Variants in PTPN4 observed in about 807,000 individuals in gnomAD.
PTPN4 encodes tyrosine-protein phosphatase non-receptor type 4.
PTPN4 carries 49 observed loss-of-function variants against 135.5 expected under a neutral mutation model. That is an observed-to-expected ratio of 0.36 (90% CI 0.29 to 0.46). PTPN4 has a LOEUF of 0.46. PTPN4 is among the 20% of genes least tolerant of loss of function. The pLI is 1.00. For synonymous variants in PTPN4, 333 were observed against 369.9 expected (o/e 0.90, Z 1.14); for missense variants, 860 against 1,101.0 (o/e 0.78, Z 3.10).
chr2:119,795,030 A>C (rs1403402014), intron 1 of PTPN4, among the ~76,000 whole-genome samples: 2 of 151,950 alleles, frequency 1.3e-5, no homozygotes, highest in Non-Finnish European at 2.9e-5. Flanking sequence ...CGGAGAGGGT[A>C]GTTCTTCTTG....
chr2:119,829,073 T>C (rs755500445), intron 2 of PTPN4, among the ~76,000 whole-genome samples: 2 of 152,218 alleles, frequency 1.3e-5, no homozygotes, highest in Non-Finnish European at 2.9e-5. Context: ...ATATATTTGT[T>C]GACCATTTAG....
rs779244973 is a variant in PTPN4, at chr2:119,965,567, C to T, written c.2480C>T (p.Ser827Leu). 3.7e-6 allele frequency: 6 copies of T among 1,613,644 alleles called. No individual in the cohort carries two copies. The Admixed American group carries it at 8.3e-5, about 22-fold the overall frequency. ...CCTGACCATGGAGTCCCTGATGATT[C>T]GAGTGACTTTCTAGATTTTGTTTGT... is the stretch of plus-strand genomic sequence containing the variant. ...AWPDHGVPDD[S>L]SDFLDFVCHV... The change falls in exon 25 of 27, where the codon TCG (serine) becomes TTG (leucine). Residue 827 changes from serine to leucine, a missense_variant. Around this residue, in one of 2 missense-constraint regions of PTPN4, gnomAD observed 176 missense variants for 294.1 expected, o/e 0.60. Transcript: ENST00000263708.
chr2:119,865,418 T>G (rs1011627885), intron 3 of PTPN4, among the ~76,000 whole-genome samples: 2 of 152,092 alleles, frequency 1.3e-5, no homozygotes, highest in Non-Finnish European at 2.9e-5. Flanking sequence ...TAAAATCATT[T>G]TAAAGATGAA....
intron 19 of PTPN4, 59 bp from the exon 20 acceptor site, chr2:119,955,098 A>G (rs969292746): frequency 9.2e-6 from 13 of 1,420,438 alleles, no homozygotes; most frequent in East Asian, 2.3e-5. Flanking sequence ...GTAAATTCCT[A>G]TCGTGTGAAT....
At chr2:119,776,365 C>T (rs755783639) in intron 1 of PTPN4, among the ~76,000 whole-genome samples, 1 of 152,014 alleles carries the variant, frequency 6.6e-6, no homozygotes, top group Non-Finnish European at 1.5e-5. Flanking sequence ...TTAGTAGAGA[C>T]GGGTTTCACC....
rs139175842 is a variant in PTPN4 at position 119,833,221 on chromosome 2, C to T, written c.138+23230C>T. Among the ~76,000 whole-genome samples, 47 of 151,834 alleles carry T rather than the reference C, an allele frequency of 3.1e-4. No homozygotes were observed. In the South Asian group the frequency reaches 5.6e-3, roughly 18 times the overall value. On this transcript the variant is annotated intron_variant, in intron 2 of 26. Transcript: ENST00000263708. ...CAGTTTGGATTTTGATTGTTTTATTCTTTCCATGTGGCTATCTAGTTGGCT... is the reference window on the plus strand; with the variant it reads ...CAGTTTGGATTTTGATTGTTTTATTTTTTCCATGTGGCTATCTAGTTGGCT...
intron 26 of PTPN4, among the ~76,000 whole-genome samples, chr2:119,973,838 C>T (rs560509279): frequency 2.0e-4 from 30 of 151,928 alleles, no homozygotes; most frequent in African/African-American, 6.3e-4. Context: ...TTTCTTCAAA[C>T]GCACATAATG....
At chr2:119,922,009 A>G (rs1558764888) in intron 12 of PTPN4, among the ~76,000 whole-genome samples, 1 of 152,172 alleles carries the variant, frequency 6.6e-6, no homozygotes, top group South Asian at 2.1e-4. Context: ...CCAGTCTTCA[A>G]CTATAATTCA....
chr2:119,960,397 T>C (rs1679349616), intron 22 of PTPN4, among the ~76,000 whole-genome samples: 1 of 152,204 alleles, frequency 6.6e-6, no homozygotes, highest in African/African-American at 2.4e-5. Flanking sequence ...TCACAAATTT[T>C]ACCAATAAAC....
At chr2:119,881,894 G>T in intron 6 of PTPN4, 64 bp downstream of exon 6, 1 of 1,293,402 alleles carries the variant, frequency 7.7e-7, no homozygotes, top group South Asian at 1.3e-5. Context: ...TTTTAAATCT[G>T]TGTTAAGTAA....
intron 2 of PTPN4, among the ~76,000 whole-genome samples, chr2:119,852,196 C>A (rs1440355227): frequency 6.6e-6 from 1 of 152,192 alleles, no homozygotes; most frequent in Non-Finnish European, 1.5e-5. Context: ...AACCCTACCT[C>A]CTTCTTTTTT....
At chr2:119,846,670 T>G (rs538062894) in intron 2 of PTPN4, among the ~76,000 whole-genome samples, 1 of 152,078 alleles carries the variant, frequency 6.6e-6, no homozygotes, top group East Asian at 1.9e-4. Context: ...TTGCTTTTTT[T>G]GTTTCTCTTT....
chr2:119,962,283 C>T (rs1280914769), intron 23 of PTPN4, among the ~76,000 whole-genome samples: 5 of 151,988 alleles, frequency 3.3e-5, no homozygotes, highest in African/African-American at 7.3e-5. Context: ...GGTGAAACCC[C>T]GTCTCTACTA....
At chr2:119,970,971 A>G (rs1679525520) in intron 26 of PTPN4, among the ~76,000 whole-genome samples, 1 of 152,036 alleles carries the variant, frequency 6.6e-6, no homozygotes, top group Non-Finnish European at 1.5e-5. Flanking sequence ...GTCTTTTTTT[A>G]TTTTAGCCAT....
intron 1 of PTPN4, among the ~76,000 whole-genome samples, chr2:119,808,653 T>C (rs1691526052): frequency 6.6e-6 from 1 of 152,120 alleles, no homozygotes; most frequent in South Asian, 2.1e-4. Flanking sequence ...CAAACTCTTG[T>C]CCTGAAGCAA....
chr2:119,877,200 C>T (rs945929267), intron 3 of PTPN4, 123 bp from the exon 4 acceptor site: 30 of 984,564 alleles, frequency 3.0e-5, no homozygotes, highest in African/African-American at 3.0e-4. Context: ...GATTTTTTTC[C>T]TACCTGGGCC....
intron 26 of PTPN4, among the ~76,000 whole-genome samples, chr2:119,973,735 G>A (rs916166688): frequency 1.5e-5 from 2 of 133,576 alleles, no homozygotes; most frequent in East Asian, 2.3e-4. Context: ...TTCTGACGGC[G>A]TGAATTTTGC....
chr2:119,975,999 ATT>A (rs70949379), intron 26 of PTPN4, among the ~76,000 whole-genome samples: 206 of 117,556 alleles, frequency 1.8e-3, no homozygotes, highest in Admixed American at 2.8e-3. Flanking sequence ...TTATTTATTT[ATT>A]TTTTTTTTTT....
chr2:119,898,221 CAT>C (rs1475220170), intron 9 of PTPN4, among the ~76,000 whole-genome samples: 1 of 152,108 alleles, frequency 6.6e-6, no homozygotes, highest in African/African-American at 2.4e-5. Flanking sequence ...ATGAGAGAAA[CAT>C]GTAGATGTGG....
Sources: gnomAD v4.1 joint callset for allele counts (sites outside exome capture counted in the v4.1 genomes callset) on GRCh38, gnomAD v4.1.1 for gene constraint, gnomAD v4.1.1 regional missense constraint, MANE v1.5 for transcripts, NCBI Gene and HGNC (gene_info 2026-07-23, HGNC 2026-07-21) for gene names.